WWOX: variants seen among roughly 807,000 people sequenced by gnomAD.
The protein encoded by WWOX is WW domain-containing oxidoreductase.
WWOX carries 69 observed loss-of-function variants against 46.2 expected under a neutral mutation model. The ratio of observed to expected loss-of-function variants is 1.49; its 90% CI spans 1.23 to 1.82. The LOEUF (loss-of-function observed/expected upper bound fraction) is 1.82, where lower values mean the gene tolerates loss of function less well. Among genes scored for constraint, WWOX ranks in the 40% most tolerant of loss-of-function variants. WWOX has a pLI of 0.00. For missense variants in WWOX, 919 were observed against 542.6 expected, an observed-to-expected ratio of 1.69 and a Z score of -6.89; for synonymous variants, 359 against 202.6, an observed-to-expected ratio of 1.77 and a Z score of -6.56.
chr16:78,432,439 G>A (rs1411815713), intron 7 of WWOX, 49 bp from the exon 8 acceptor site: 2 of 1,607,140 alleles, frequency 1.2e-6, no homozygotes, highest in Middle Eastern at 1.7e-4. Context: ...AAAAAGCTGT[G>A]TGGGAAGTCA....
chr16:78,719,957 G>A (rs1458555649), intron 8 of WWOX, among the ~76,000 whole-genome samples: 1 of 152,024 alleles, frequency 6.6e-6, no homozygotes, highest in South Asian at 2.1e-4. Flanking sequence ...TCTATTCTAA[G>A]CTAGTCTCAA....
intron 8 of WWOX, among the ~76,000 whole-genome samples, chr16:78,930,220 T>TACC (rs2045588834): frequency 8.5e-6 from 1 of 117,654 alleles, no homozygotes; most frequent in African/African-American, 3.4e-5. Flanking sequence ...TTTCAGGACC[T>TACC]TTCTTCCTTC....
intron 8 of WWOX, among the ~76,000 whole-genome samples, chr16:78,481,958 T>A (rs1346420221): frequency 1.3e-5 from 2 of 152,172 alleles, no homozygotes; most frequent in African/African-American, 4.8e-5. Context: ...CATCCTTGGT[T>A]AAGGCTGAGC....
chr16:78,135,480 A>G lies in WWOX; in HGVS notation c.409+20326A>G, dbSNP rs1288742595. 5.3e-5 allele frequency among the ~76,000 whole-genome samples: 8 copies of G among 152,300 alleles called. No homozygotes were observed. The East Asian group carries it at 1.2e-3, about 22-fold the overall frequency. ...CTTCAATTCAAATCTTCTAAATTCA[A>G]TTTTGTTAATGTTGTTTAGATATTA... On this transcript the variant is annotated intron_variant, in intron 4 of 8. Transcript: ENST00000566780.
intron 8 of WWOX, among the ~76,000 whole-genome samples, chr16:78,502,997 G>A (rs548592649): frequency 6.6e-6 from 1 of 152,314 alleles, no homozygotes; most frequent in African/African-American, 2.4e-5. Flanking sequence ...CACAGCCTCG[G>A]CAGTGTTTGT....
intron 5 of WWOX, among the ~76,000 whole-genome samples, chr16:78,310,359 C>G (rs1024565893): frequency 6.6e-6 from 1 of 152,228 alleles, no homozygotes; most frequent in Non-Finnish European, 1.5e-5. Flanking sequence ...CACACACAGC[C>G]TGCACTATGT....
chr16:78,220,228 G>A (rs1469334997), intron 5 of WWOX, among the ~76,000 whole-genome samples: 1 of 152,158 alleles, frequency 6.6e-6, no homozygotes, highest in Non-Finnish European at 1.5e-5. Context: ...TCCCATGTGG[G>A]TATCAATGAG....
intron 8 of WWOX, among the ~76,000 whole-genome samples, chr16:78,668,577 A>G (rs1333446690): frequency 6.6e-6 from 1 of 152,176 alleles, no homozygotes; most frequent in Non-Finnish European, 1.5e-5. Context: ...AAAGTTACCA[A>G]GAGAGGTAGG....
intron 8 of WWOX, among the ~76,000 whole-genome samples, chr16:78,622,635 C>T (rs545110879): frequency 1.3e-5 from 2 of 152,094 alleles, no homozygotes; most frequent in East Asian, 3.9e-4. Flanking sequence ...TCCTGGTGTC[C>T]AAGGCCTGAT....
At chr16:78,426,531 C>CT (rs1460443538) in intron 7 of WWOX, among the ~76,000 whole-genome samples, 1 of 152,142 alleles carries the variant, frequency 6.6e-6, no homozygotes, top group Non-Finnish European at 1.5e-5. Flanking sequence ...AAGGAAGGGA[C>CT]TTGGGCTCTT....
chr16:79,050,162 T>C (rs535110549), intron 8 of WWOX, among the ~76,000 whole-genome samples: 2 of 152,104 alleles, frequency 1.3e-5, no homozygotes. Context: ...TTCTCACGTG[T>C]GTGTGGGGTT....
chr16:78,459,997 G>C (rs1287618335), intron 8 of WWOX, among the ~76,000 whole-genome samples: 2 of 150,936 alleles, frequency 1.3e-5, no homozygotes, highest in East Asian at 1.9e-4. Context: ...ATAGAGTTGG[G>C]TTTTTCACCA....
At chr16:78,985,642 G>A (rs2046769999) in intron 8 of WWOX, among the ~76,000 whole-genome samples, 1 of 152,192 alleles carries the variant, frequency 6.6e-6, no homozygotes, top group Admixed American at 6.5e-5. Flanking sequence ...AGTGGTGCAT[G>A]CCTGTAGTCC....
chr16:78,641,681 A>T (rs574202658), intron 8 of WWOX, among the ~76,000 whole-genome samples: 2 of 152,306 alleles, frequency 1.3e-5, no homozygotes, highest in East Asian at 3.9e-4. Flanking sequence ...GCAGATTGCC[A>T]GTGACTCCGG....
intron 8 of WWOX, among the ~76,000 whole-genome samples, chr16:78,846,351 C>G (rs2052298497): frequency 6.6e-6 from 1 of 152,142 alleles, no homozygotes. Flanking sequence ...CCTCTTCCTT[C>G]TTTTACAACC....
At chr16:79,015,609 C>A (rs1375919935) in intron 8 of WWOX, among the ~76,000 whole-genome samples, 1 of 152,170 alleles carries the variant, frequency 6.6e-6, no homozygotes, top group Admixed American at 6.5e-5. Context: ...ATATTCATAT[C>A]TGCAACCAGA....
At chr16:78,513,230 T>C (rs1359193205) in intron 8 of WWOX, among the ~76,000 whole-genome samples, 1 of 152,216 alleles carries the variant, frequency 6.6e-6, no homozygotes, top group Non-Finnish European at 1.5e-5. Context: ...AAATAAATTA[T>C]ACTTCAAAGA....
intron 5 of WWOX, among the ~76,000 whole-genome samples, chr16:78,202,309 A>G (rs1402755207): frequency 6.6e-6 from 1 of 152,224 alleles, no homozygotes; most frequent in Non-Finnish European, 1.5e-5. Context: ...AAAGGAAGGA[A>G]TGAAGGGTGG....
intron 8 of WWOX, among the ~76,000 whole-genome samples, chr16:78,656,047 G>A (rs906784666): frequency 1.6e-4 from 25 of 152,188 alleles, no homozygotes; most frequent in Non-Finnish European, 2.4e-4. Flanking sequence ...GTTTTGAAAT[G>A]GGGGTGTGGG....
Sources: allele counts gnomAD v4.1 joint callset (sites outside exome capture counted in the v4.1 genomes callset), GRCh38; gene constraint gnomAD v4.1.1; transcripts MANE v1.5; gene names NCBI Gene and HGNC (gene_info 2026-07-23, HGNC 2026-07-21).